TSPOAP1: variants seen among roughly 807,000 people sequenced by gnomAD.
TSPOAP1 encodes TSPO associated protein 1.
Under a neutral mutation model 197.0 loss-of-function variants are expected in TSPOAP1, and 87 were observed. The observed-to-expected ratio is 0.44, with a 90% confidence interval of 0.37 to 0.53. The LOEUF (loss-of-function observed/expected upper bound fraction) is 0.53, where lower values mean the gene tolerates loss of function less well. Among genes scored for constraint, TSPOAP1 ranks in the 20% least tolerant of loss-of-function variants. The pLI is 0.00. For synonymous variants in TSPOAP1, 913 were observed against 998.9 expected, an observed-to-expected ratio of 0.91 and a Z score of 1.62; for missense variants, 2,174 against 2,411.3, an observed-to-expected ratio of 0.90 and a Z score of 2.06.
chr17:58,321,652 C>T (rs1971408634), intron 10 of TSPOAP1, among the ~76,000 whole-genome samples: 2 of 152,138 alleles, frequency 1.3e-5, no homozygotes, highest in Non-Finnish European at 2.9e-5. Flanking sequence ...CACTTGTCTC[C>T]CGTTCCACTG....
intron 3 of TSPOAP1, 132 bp from the exon 4 acceptor site, chr17:58,325,845 G>T: frequency 2.0e-6 from 2 of 976,022 alleles, no homozygotes; most frequent in South Asian, 3.4e-5. Context: ...CTTGACTGGG[G>T]TCTCAGAAAA....
chr17:58,305,162 T>G lies in TSPOAP1; in HGVS notation c.5443A>C (p.Asn1815His). The change falls in exon 30 of 32, where the codon AAT becomes CAT. Residue 1815 changes from asparagine (N) to histidine (H), a missense_variant. Asn to His is a moderately conservative substitution (Grantham distance 68, BLOSUM62 1). This residue lies in a region of TSPOAP1 where 60 missense variants were observed against 56.2 expected (regional missense o/e 1.07). Coordinates refer to ENST00000343736, the MANE Select transcript of TSPOAP1 (RefSeq NM_004758.4). ...GATGGAACCAGGCCCCTTTGTCCAT[T>G]TAATTCCCCCTGGAGAGAAGAGGCC... ...DDDGFYYGELNGQRGLVPSNF... is the reference protein window; with the variant it reads ...DDDGFYYGELHGQRGLVPSNF... 1.2e-6 allele frequency: 2 copies of G among 1,612,784 alleles called. No homozygotes were observed. Among genetic ancestry groups the G allele is most frequent in the Non-Finnish European group, 1.7e-6 (2 of 1,178,900 alleles).
Position 58,326,841 on chromosome 17 carries a change from G to T in TSPOAP1, c.334-51C>A. The T allele has an allele frequency of 6.7e-7, 1 of 1,484,808 alleles. No homozygotes were observed. 92.0% of individuals were successfully genotyped at this position (1,484,808 alleles called of 1,614,324 possible). ...GCACCTCAGAAACCCACGTCACCCAGCCAGAGCCTTCCCTGTGGAAGCATC... is the reference window on the plus strand; with the variant it reads ...GCACCTCAGAAACCCACGTCACCCATCCAGAGCCTTCCCTGTGGAAGCATC... On this transcript the variant is annotated intron_variant, in intron 1 of 31. Transcript: ENST00000343736. The surrounding 1 kb of genome is among the most constrained non-coding windows in gnomAD (Gnocchi z 4.7).
chr17:58,303,911 G>A (rs1189852056), intron 31 of TSPOAP1: 1 of 158,006 alleles, frequency 6.3e-6, no homozygotes, highest in Non-Finnish European at 1.4e-5. Context: ...ACAAGGGTGG[G>A]AAGCCTATTA....
Position 58,328,156 on chromosome 17 carries a change from T to TGC in TSPOAP1, c.-238_-237dup, listed in dbSNP as rs887561208. ...CTATGTTTGCTGGTAGCTGTGTGTGTGCGCGAGTATGTGGAGGAGCGAGGG... is the reference window on the plus strand; with the variant it reads ...CTATGTTTGCTGGTAGCTGTGTGTGTGCGCGCGAGTATGTGGAGGAGCGAGGG... On this transcript the variant is annotated 5_prime_UTR_variant, in exon 1 of 32. Transcript: ENST00000343736. This position sits in a 1 kb window ranked among gnomAD's most constrained non-coding sequence, Gnocchi z 4.3. 1 of 567,232 alleles carries TGC rather than the reference T, an allele frequency of 1.8e-6. No individual in the cohort carries two copies. Among genetic ancestry groups the TGC allele is most frequent in the African/African-American group, 1.9e-5 (1 of 53,392 alleles). 35.1% of individuals were successfully genotyped at this position (567,232 alleles called of 1,614,324 possible).
In TSPOAP1 at chr17:58,328,288, CAT is replaced by C. The variant is rs771912073; in HGVS notation, c.-370_-369del. 54 of 288,068 alleles carry C rather than the reference CAT, an allele frequency of 1.9e-4. No individual in the cohort carries two copies. The highest frequency in any genetic ancestry group is 1.3e-3 in the East Asian group (18 of 14,180). The allele number at this position is 288,068 out of a possible 1,614,324, so 17.8% of individuals were successfully genotyped here. A position where few individuals can be genotyped will look rare whatever the true frequency, so the allele number is the denominator to read the frequency against. ...CTGTCCGTGCAGGTCAATGCTGTCTCATGTGTTGGGAAGATGGGTGCCCCCAC... is the reference window on the plus strand; with the variant it reads ...CTGTCCGTGCAGGTCAATGCTGTCTCGTGTTGGGAAGATGGGTGCCCCCAC... On this transcript the variant is annotated 5_prime_UTR_variant, in exon 1 of 32. The change abolishes an upstream ATG in the 5' untranslated region. Coordinates refer to ENST00000343736, the MANE Select transcript of TSPOAP1 (RefSeq NM_004758.4). This position sits in a 1 kb window ranked among gnomAD's most constrained non-coding sequence, Gnocchi z 4.3.
In TSPOAP1 at chr17:58,322,930, C is replaced by A; in HGVS notation, c.1194+20G>T. On this transcript the variant is annotated intron_variant, in intron 8 of 31. Coordinates refer to ENST00000343736, the MANE Select transcript of TSPOAP1 (RefSeq NM_004758.4). The surrounding 1 kb of genome is among the most constrained non-coding windows in gnomAD (Gnocchi z 5.0). ...GTGGTGGGAGCACAGGTCTCCACAG[C>A]ACCTGGGCGGAAGTGGTACCTGCTC... 6.2e-7 allele frequency: 1 copy of A among 1,606,522 alleles called. No individual in the cohort carries two copies. The highest frequency in any genetic ancestry group is 8.5e-7 in the Non-Finnish European group (1 of 1,176,394).
At position 58,316,465 on chromosome 17, in the gene TSPOAP1, G is replaced by C. The variant is rs148012035; in HGVS notation, c.1948C>G (p.Arg650Gly). The C allele has an allele frequency of 6.2e-7, 1 of 1,613,660 alleles. No homozygotes were observed. The highest frequency in any genetic ancestry group is 1.1e-5 in the South Asian group (1 of 91,050). ...SLLPAAPEGSRGGARIQVFLA... is the reference protein window; with the variant it reads ...SLLPAAPEGSGGGARIQVFLA... ...AAGACCTGGATCCTGGCTCCTCCCCGGCTGCCCTCTGGCGCAGCTGGGAGC... is the reference window on the plus strand; with the variant it reads ...AAGACCTGGATCCTGGCTCCTCCCCCGCTGCCCTCTGGCGCAGCTGGGAGC... The change falls in exon 15 of 32, where the codon CGG (arginine) becomes GGG (glycine). Residue 650 changes from arginine (R) to glycine (G), a missense_variant. Transcript: ENST00000343736.
At chr17:58,316,403 G>T (rs200964393) in intron 15 of TSPOAP1, 22 bp downstream of exon 15, 18 of 1,588,686 alleles carry the variant, frequency 1.1e-5, no homozygotes, top group East Asian at 6.7e-5. Flanking sequence ...GGGCTAGGGG[G>T]CAGTGAGGGT....
chr17:58,305,498 T>C, intron 28 of TSPOAP1, 40 bp from the exon 29 acceptor site: 2 of 1,612,554 alleles, frequency 1.2e-6, no homozygotes, highest in Non-Finnish European at 1.7e-6. Context: ...CCAGGAAGGC[T>C]CTGCCACCGC....
chr17:58,321,360 C>G (rs769014067), intron 10 of TSPOAP1, among the ~76,000 whole-genome samples: 1 of 151,146 alleles, frequency 6.6e-6, no homozygotes, highest in Non-Finnish European at 1.5e-5. Context: ...TGCAATGGTA[C>G]GATCTCAGCT....
At chr17:58,302,680 G>A (rs72839980) in intron 31 of TSPOAP1, 14,483 of 223,488 alleles carry the variant, frequency 0.065, 509 homozygotes, top group South Asian at 0.11. Context: ...ATGCAGTCTC[G>A]GTTCTGGATC....
intron 11 of TSPOAP1, 104 bp downstream of exon 11, chr17:58,320,427 T>A (rs1971371060): frequency 7.5e-7 from 1 of 1,326,680 alleles, no homozygotes; most frequent in Non-Finnish European, 1.0e-6. Flanking sequence ...GGGCCCCTCC[T>A]GCAACCCCTC....
At chr17:58,325,390 G>A in intron 4 of TSPOAP1, 144 bp downstream of exon 4, 1 of 1,026,788 alleles carries the variant, frequency 9.7e-7, no homozygotes, top group South Asian at 1.5e-5. Context: ...TCTCCCACCT[G>A]GGCCGTTGCC....
At position 58,316,425 on chromosome 17, in the gene TSPOAP1, C is replaced by A; in HGVS notation, c.1988G>T (p.Ser663Ile). The A allele has an allele frequency of 6.2e-7, 1 of 1,611,510 alleles. No homozygotes were observed. The highest frequency in any genetic ancestry group is 8.5e-7 in the Non-Finnish European group (1 of 1,178,514). The change falls in exon 15 of 32, where the codon AGC (serine) becomes ATC (isoleucine). Residue 663 changes from serine to isoleucine, a missense_variant and splice_region_variant. Ser to Ile is a moderately radical substitution (Grantham distance 142). Transcript: ENST00000343736. ...ARIQVFLARY[S>I]YNPFEGPNEN... is the part of the protein sequence containing the mutation. The stretch of plus-strand genomic sequence containing the variant: ...GGGGCAGTGAGGGTGAGGGACCCAC[C>A]TATAACGTGCTAGGAAGACCTGGAT...
Position 58,302,170 on chromosome 17 carries a change from C to CG in TSPOAP1, c.*309dup. 9.0e-7 allele frequency: 1 copy of CG among 1,113,380 alleles called. No homozygotes were observed. The highest frequency in any genetic ancestry group is 1.2e-6 in the Non-Finnish European group (1 of 859,722). The allele number at this position is 1,113,380 out of a possible 1,614,324, so 69.0% of individuals were successfully genotyped here. A position where few individuals can be genotyped will look rare whatever the true frequency, so the allele number is the denominator to read the frequency against. ...ATGCCACAGTGTTAACGCAGAAGAA[C>CG]GGGGGCTCTGGGCCCAGTCTGAGCC... On this transcript the variant is annotated 3_prime_UTR_variant, in exon 32 of 32. Coordinates refer to ENST00000343736, the MANE Select transcript of TSPOAP1 (RefSeq NM_004758.4).
chr17:58,321,118 G>A (rs79141987), intron 10 of TSPOAP1, among the ~76,000 whole-genome samples: 17,406 of 151,998 alleles, frequency 0.11, 1,212 homozygotes, highest in East Asian at 0.29. Context: ...AATGTTTAAC[G>A]CGCAGCTCAG....
rs1288401220 is a variant in TSPOAP1, at chr17:58,324,982, G to T, written c.771C>A (p.His257Gln). The T allele has an allele frequency of 2.6e-6, 4 of 1,537,264 alleles. No individual in the cohort carries two copies. Among genetic ancestry groups the T allele is most frequent in the South Asian group, 1.2e-5 (1 of 83,120 alleles). Residue 257 changes from histidine to glutamine, a missense_variant, in exon 5 of 32, where the codon CAC becomes CAA. This residue lies in a region of TSPOAP1 where 1,933 missense variants were observed against 2,139.0 expected (regional missense o/e 0.90). Transcript: ENST00000343736. The surrounding 1 kb of genome is among the most constrained non-coding windows in gnomAD (Gnocchi z 5.8). The part of the protein sequence containing the change: ...LVGKEGPQWL[H>Q]VRDFDRLLRE... ...GCAGCAGCCGATCGAAGTCCCGCAC[G>T]TGGAGCCACTGGGGACCCTCCTGAG...
In TSPOAP1 at chr17:58,320,093, G is replaced by C; in HGVS notation, c.1494+16C>G. The C allele has an allele frequency of 1.2e-6, 2 of 1,614,184 alleles. No individual in the cohort carries two copies. Among genetic ancestry groups the C allele is most frequent in the Non-Finnish European group, 1.7e-6 (2 of 1,180,016 alleles). ...CAGCCTGGAGAGGTGTGGGGAAGTG[G>C]AGAACGAGGCGCTACCTGCATGGAA... On this transcript the variant is annotated intron_variant, in intron 12 of 31. Transcript: ENST00000343736.
Sources: allele counts gnomAD v4.1 joint callset (sites outside exome capture counted in the v4.1 genomes callset), GRCh38; gene constraint gnomAD v4.1.1; regional missense constraint gnomAD v4.1.1; non-coding constraint Gnocchi (gnomAD v3.1); transcripts MANE v1.5; gene names NCBI Gene and HGNC (gene_info 2026-07-23, HGNC 2026-07-21).